Variants in RIMS1 observed in about 807,000 individuals in gnomAD.
RIMS1 encodes regulating synaptic membrane exocytosis protein 1.
Under a neutral mutation model 214.1 loss-of-function variants are expected in RIMS1, and 83 were observed. The observed-to-expected ratio is 0.39, with a 90% CI of 0.32 to 0.47. The LOEUF (loss-of-function observed/expected upper bound fraction) is 0.47. RIMS1 is among the 20% of genes least tolerant of loss of function. RIMS1 has a pLI of 0.99. For missense variants in RIMS1, 2,050 were observed against 2,161.8 expected, an observed-to-expected ratio of 0.95 and a Z score of 1.03; for synonymous variants, 793 against 786.8, an observed-to-expected ratio of 1.01 and a Z score of -0.13.
chr6:72,365,394 TTACCAAGG>T (rs901004431), intron 29 of RIMS1, among the ~76,000 whole-genome samples: 1 of 152,218 alleles, frequency 6.6e-6, no homozygotes, highest in Non-Finnish European at 1.5e-5. Flanking sequence ...GATACATTGT[TTACCAAGG>T]TACCAGTAGG....
At chr6:72,249,454 T>G (rs2071985330) in intron 12 of RIMS1, among the ~76,000 whole-genome samples, 2 of 152,150 alleles carry the variant, frequency 1.3e-5, no homozygotes, top group South Asian at 2.1e-4. Context: ...CCTTAGTTTT[T>G]TCCTCCTTCT....
intron 4 of RIMS1, among the ~76,000 whole-genome samples, chr6:72,151,529 A>C (rs746524694): frequency 6.6e-6 from 1 of 152,192 alleles, no homozygotes; most frequent in Non-Finnish European, 1.5e-5. Context: ...AAAAACTTGC[A>C]GTCCTTATTT....
At chr6:72,138,831 G>A (rs1210386216) in intron 4 of RIMS1, among the ~76,000 whole-genome samples, 1 of 152,030 alleles carries the variant, frequency 6.6e-6, no homozygotes. Flanking sequence ...TTTGAGAAGT[G>A]GTCACTATCT....
rs568959593 is a variant in RIMS1, at chr6:72,003,855, G to T, written c.245+34792G>T. Among the ~76,000 whole-genome samples the T allele has an allele frequency of 1.6e-3, 240 of 147,990 alleles. 1 individual carries two copies. Among genetic ancestry groups the T allele is most frequent in the African/African-American group, 5.6e-3 (224 of 40,156 alleles). On this transcript the variant is annotated intron_variant, in intron 2 of 33. Transcript: ENST00000521978. ...TAAAGATCATTTTTCTTTTTTTTTCGATTTTCCTTTCTTTTTTTTAATTAT... is the reference window on the plus strand; with the variant it reads ...TAAAGATCATTTTTCTTTTTTTTTCTATTTTCCTTTCTTTTTTTTAATTAT...
intron 4 of RIMS1, among the ~76,000 whole-genome samples, chr6:72,137,212 C>G (rs2041431648): frequency 6.6e-6 from 1 of 152,034 alleles, no homozygotes; most frequent in African/African-American, 2.4e-5. Flanking sequence ...AACAATACCA[C>G]AGTTTTCCTT....
At chr6:72,042,651 G>A (rs1413254918) in intron 2 of RIMS1, among the ~76,000 whole-genome samples, 1 of 151,774 alleles carries the variant, frequency 6.6e-6, no homozygotes, top group African/African-American at 2.4e-5. Flanking sequence ...TTCTCTGCAT[G>A]CTGCATTTCT....
intron 2 of RIMS1, among the ~76,000 whole-genome samples, chr6:71,998,230 T>A (rs1289169131): frequency 6.6e-6 from 1 of 152,140 alleles, no homozygotes; most frequent in Non-Finnish European, 1.5e-5. Context: ...AGAATATTAT[T>A]GTAATCAGCC....
At chr6:72,082,990 T>A (rs977861471) in intron 2 of RIMS1, among the ~76,000 whole-genome samples, 2 of 152,146 alleles carry the variant, frequency 1.3e-5, no homozygotes, top group Non-Finnish European at 2.9e-5. Flanking sequence ...ATATTAAAAA[T>A]GTAAGGTAAT....
At chr6:72,211,338 A>T (rs1198795587) in intron 6 of RIMS1, among the ~76,000 whole-genome samples, 1 of 152,210 alleles carries the variant, frequency 6.6e-6, no homozygotes, top group African/African-American at 2.4e-5. Context: ...CTGTAGTCCC[A>T]TAAAGAATGA....
chr6:72,120,868 T>A (rs898523160), intron 4 of RIMS1, among the ~76,000 whole-genome samples: 1 of 151,970 alleles, frequency 6.6e-6, no homozygotes, highest in Non-Finnish European at 1.5e-5. Context: ...GCTTTCTACA[T>A]ATAGCTAGCC....
chr6:72,254,571 T>C (rs2074976804), intron 16 of RIMS1, among the ~76,000 whole-genome samples: 1 of 152,208 alleles, frequency 6.6e-6, no homozygotes, highest in African/African-American at 2.4e-5. Flanking sequence ...AAATAGAATT[T>C]GCTTCGGTGA....
intron 4 of RIMS1, among the ~76,000 whole-genome samples, chr6:72,155,789 G>A (rs1376019756): frequency 2.1e-5 from 3 of 140,470 alleles, no homozygotes; most frequent in African/African-American, 7.4e-5. Context: ...CCCATGACAT[G>A]TGGGAATTAT....
intron 2 of RIMS1, among the ~76,000 whole-genome samples, chr6:72,037,091 GA>G: frequency 6.6e-6 from 1 of 151,924 alleles, no homozygotes; most frequent in East Asian, 1.9e-4. Context: ...AATCCTTAGT[GA>G]ACTGAGTTAT....
intron 31 of RIMS1, among the ~76,000 whole-genome samples, chr6:72,394,919 A>G (rs779336792): frequency 2.0e-5 from 3 of 152,070 alleles, no homozygotes; most frequent in Non-Finnish European, 2.9e-5. Flanking sequence ...AAAGTATCAT[A>G]TAATCCACAG....
chr6:71,926,787 A>G (rs372359497), intron 1 of RIMS1, among the ~76,000 whole-genome samples: 6 of 152,332 alleles, frequency 3.9e-5, no homozygotes, highest in South Asian at 2.1e-4. Context: ...TTTTAACTAC[A>G]TAGGTACGAT....
At chr6:72,368,521 C>T (rs2098118594) in intron 29 of RIMS1, among the ~76,000 whole-genome samples, 1 of 151,384 alleles carries the variant, frequency 6.6e-6, no homozygotes, top group African/African-American at 2.4e-5. Context: ...GTCTCGATCT[C>T]CTGACCTTGT....
At chr6:72,165,921 T>C (rs2046190598) in intron 4 of RIMS1, among the ~76,000 whole-genome samples, 2 of 152,220 alleles carry the variant, frequency 1.3e-5, no homozygotes, top group South Asian at 4.1e-4. Context: ...TTAACAATAC[T>C]GAGTTTTTCA....
At chr6:72,163,898 A>G (rs957016125) in intron 4 of RIMS1, among the ~76,000 whole-genome samples, 1 of 152,110 alleles carries the variant, frequency 6.6e-6, no homozygotes, top group Admixed American at 6.5e-5. Context: ...TGCTGGGAGA[A>G]CCAATACTGT....
At chr6:71,972,304 G>A (rs896504934) in intron 2 of RIMS1, among the ~76,000 whole-genome samples, 17 of 152,286 alleles carry the variant, frequency 1.1e-4, no homozygotes, top group African/African-American at 3.4e-4. Context: ...TAAGTGGGTG[G>A]AAATGCTGTA....
Sources: gnomAD v4.1 joint callset for allele counts (sites outside exome capture counted in the v4.1 genomes callset) on GRCh38, gnomAD v4.1.1 for gene constraint, MANE v1.5 for transcripts, NCBI Gene and HGNC (gene_info 2026-07-23, HGNC 2026-07-21) for gene names.